The following CRPPA variants were observed in gnomAD, a reference collection of about 807,000 sequenced individuals.
The protein encoded by CRPPA is CDP-L-ribitol pyrophosphorylase A, also known as D-ribitol-5-phosphate cytidylyltransferase.
A neutral mutation model predicts 52.0 loss-of-function variants in CRPPA; 43 were observed. The observed-to-expected ratio is 0.83, with a 90% CI of 0.65 to 1.07. The LOEUF (loss-of-function observed/expected upper bound fraction) is 1.07, where lower values mean the gene tolerates loss of function less well. Ranked by LOEUF, CRPPA falls within the 50% of genes least tolerant of loss-of-function variation. The probability of loss-of-function intolerance (pLI) is 0.00; values close to 1 mark genes in which losing one functional copy is unlikely to be tolerated. For missense variants in CRPPA, 629 were observed against 551.7 expected, an observed-to-expected ratio of 1.14 and a Z score of -1.40; for synonymous variants, 250 against 203.5, an observed-to-expected ratio of 1.23 and a Z score of -1.94.
rs1410314108 is a variant in CRPPA at position 16,275,066 on chromosome 7, A to C, written c.933+3063T>G. Reference sequence around the variant, plus strand: ...ACTCCAGCCTGGGCAACTGAGTGAGACAGTGTCTAAAAAAAAATAATATTA... The same window carrying C: ...ACTCCAGCCTGGGCAACTGAGTGAGCCAGTGTCTAAAAAAAAATAATATTA... On this transcript the variant is annotated intron_variant, in intron 6 of 9. Coordinates refer to ENST00000407010, the MANE Select transcript of CRPPA (RefSeq NM_001101426.4). Among the ~76,000 whole-genome samples, 3 of 152,176 alleles carry C rather than the reference A, an allele frequency of 2.0e-5. No individual in the cohort carries two copies. The East Asian group carries it at 5.8e-4, about 29-fold the overall frequency.
chr7:16,110,729 A>AG, intron 9 of CRPPA, among the ~76,000 whole-genome samples: 1 of 152,264 alleles, frequency 6.6e-6, no homozygotes, highest in East Asian at 1.9e-4. Flanking sequence ...GTGCTGGGAA[A>AG]CCTAGATATC....
intron 3 of CRPPA, among the ~76,000 whole-genome samples, chr7:16,350,228 A>T (rs1786111817): frequency 6.6e-6 from 1 of 152,164 alleles, no homozygotes; most frequent in African/African-American, 2.4e-5. Context: ...CAGTAGACCT[A>T]CCTTATAAAA....
chr7:16,281,458 T>C (rs1784319199), intron 5 of CRPPA, among the ~76,000 whole-genome samples: 1 of 152,218 alleles, frequency 6.6e-6, no homozygotes, highest in Non-Finnish European at 1.5e-5. Flanking sequence ...AACATGCTGA[T>C]GAGTGATAAA....
At chr7:16,350,686 G>C (rs1786127703) in intron 3 of CRPPA, among the ~76,000 whole-genome samples, 1 of 152,122 alleles carries the variant, frequency 6.6e-6, no homozygotes, top group Non-Finnish European at 1.5e-5. Flanking sequence ...GCAAGCAAGA[G>C]AGAAAGGAAC....
At chr7:16,262,244 T>C (rs1783830090) in intron 6 of CRPPA, 1 of 152,186 alleles carries the variant, frequency 6.6e-6, no homozygotes, top group Non-Finnish European at 1.5e-5. Context: ...TGTCCACACA[T>C]TGGCTGCCTT....
chr7:16,191,260 A>G (rs1473446318), intron 9 of CRPPA, among the ~76,000 whole-genome samples: 1 of 151,934 alleles, frequency 6.6e-6, no homozygotes, highest in African/African-American at 2.4e-5. Flanking sequence ...TAGAATGAAG[A>G]CCCCCTTTCA....
chr7:16,400,090 G>C (rs1236621572), intron 2 of CRPPA, among the ~76,000 whole-genome samples: 1 of 152,032 alleles, frequency 6.6e-6, no homozygotes, highest in Non-Finnish European at 1.5e-5. Context: ...TGACATGACT[G>C]TCACGTGACT....
intron 5 of CRPPA, among the ~76,000 whole-genome samples, chr7:16,284,631 G>A (rs535718615): frequency 6.6e-6 from 1 of 152,070 alleles, no homozygotes; most frequent in Non-Finnish European, 1.5e-5. Context: ...ATAATCATAT[G>A]TGACAATGGA....
At chr7:16,396,176 T>C (rs1338015514) in intron 2 of CRPPA, among the ~76,000 whole-genome samples, 2 of 152,180 alleles carry the variant, frequency 1.3e-5, no homozygotes, top group African/African-American at 2.4e-5. Flanking sequence ...CTTATCCCCA[T>C]GCAGAAGCCA....
chr7:16,278,033 A>C (rs1784245182), intron 6 of CRPPA, 96 bp downstream of exon 6: 4 of 695,530 alleles, frequency 5.8e-6, no homozygotes, highest in Admixed American at 2.7e-5. Flanking sequence ...ATTATGATTA[A>C]GGGATTTTTA....
intron 9 of CRPPA, among the ~76,000 whole-genome samples, chr7:16,171,932 A>C (rs1014731767): frequency 1.3e-5 from 2 of 152,218 alleles, no homozygotes; most frequent in Non-Finnish European, 2.9e-5. Context: ...ATTGTGATAT[A>C]AATATTTTCC....
intron 3 of CRPPA, among the ~76,000 whole-genome samples, chr7:16,320,613 T>A (rs1300602953): frequency 6.6e-6 from 1 of 152,116 alleles, no homozygotes; most frequent in Non-Finnish European, 1.5e-5. Flanking sequence ...AGAGTAAAAC[T>A]AAATCAAAGG....
chr7:16,413,459 A>G (rs1331954423), intron 1 of CRPPA, among the ~76,000 whole-genome samples: 1 of 152,220 alleles, frequency 6.6e-6, no homozygotes, highest in Non-Finnish European at 1.5e-5. Context: ...TCATCTAACC[A>G]CACAACTAAA....
intron 9 of CRPPA, among the ~76,000 whole-genome samples, chr7:16,175,412 T>G (rs992803113): frequency 6.6e-6 from 1 of 152,152 alleles, no homozygotes; most frequent in Non-Finnish European, 1.5e-5. Context: ...TTAAAATAAA[T>G]AATCTTTCAA....
chr7:16,153,130 A>C (rs1396697204), intron 9 of CRPPA, among the ~76,000 whole-genome samples: 4 of 152,096 alleles, frequency 2.6e-5, no homozygotes, highest in Admixed American at 6.5e-5. Context: ...ACATAAAACT[A>C]ACAATGCCAA....
At chr7:16,328,132 C>T (rs1193634989) in intron 3 of CRPPA, among the ~76,000 whole-genome samples, 1 of 152,148 alleles carries the variant, frequency 6.6e-6, no homozygotes, top group Admixed American at 6.5e-5. Context: ...ATTACGGAAT[C>T]TTTAGGGAGA....
At chr7:16,295,290 A>C (rs1287349988) in intron 5 of CRPPA, among the ~76,000 whole-genome samples, 3 of 152,268 alleles carry the variant, frequency 2.0e-5, no homozygotes, top group African/African-American at 7.2e-5. Context: ...AGAATTTCAG[A>C]GAAAATCAAT....
At chr7:16,180,186 C>T (rs1781381732) in intron 9 of CRPPA, among the ~76,000 whole-genome samples, 1 of 152,042 alleles carries the variant, frequency 6.6e-6, no homozygotes, top group Non-Finnish European at 1.5e-5. Context: ...GAAACAAACT[C>T]TGTTGCCCAA....
At chr7:16,281,914 T>A (rs1412823113) in intron 5 of CRPPA, among the ~76,000 whole-genome samples, 1 of 152,210 alleles carries the variant, frequency 6.6e-6, no homozygotes, top group Non-Finnish European at 1.5e-5. Context: ...GTATTGATTC[T>A]TTTTCATTTC....
Sources: gnomAD v4.1 joint callset for allele counts (sites outside exome capture counted in the v4.1 genomes callset) on GRCh38, gnomAD v4.1.1 for gene constraint, MANE v1.5 for transcripts, NCBI Gene and HGNC (gene_info 2026-07-23, HGNC 2026-07-21) for gene names.